The following ZNF407 variants were observed in gnomAD, a reference collection of about 807,000 sequenced individuals.
ZNF407 encodes zinc finger protein 407.
A neutral mutation model predicts 131.2 loss-of-function variants in ZNF407; 17 were observed. The observed-to-expected ratio is 0.13, with a 90% CI of 0.09 to 0.19. ZNF407 has a LOEUF of 0.19. ZNF407 is among the 10% of genes least tolerant of loss of function. ZNF407 has a pLI of 1.00. For synonymous variants in ZNF407, 1,156 were observed against 1,062.0 expected (o/e 1.09, Z -1.72); for missense variants, 2,681 against 2,830.6 (o/e 0.95, Z 1.20).
intron 3 of ZNF407, among the ~76,000 whole-genome samples, chr18:74,726,450 A>C (rs1968160271): frequency 6.6e-6 from 1 of 152,230 alleles, no homozygotes; most frequent in Non-Finnish European, 1.5e-5. Flanking sequence ...TTGATAATAA[A>C]ACTGTAAAAC....
intron 4 of ZNF407, among the ~76,000 whole-genome samples, chr18:74,830,267 C>CT (rs1232977264): frequency 6.6e-6 from 1 of 152,040 alleles, no homozygotes; most frequent in African/African-American, 2.4e-5. Context: ...ACATTTTAAC[C>CT]TTTTTTAAGA....
intron 8 of ZNF407, among the ~76,000 whole-genome samples, chr18:75,013,356 T>C (rs1431142004): frequency 1.3e-5 from 2 of 152,152 alleles, no homozygotes; most frequent in African/African-American, 4.8e-5. Flanking sequence ...GTAGTTGTCC[T>C]TTTCCTTTGC....
At chr18:74,760,167 T>G (rs1426541520) in intron 3 of ZNF407, among the ~76,000 whole-genome samples, 3 of 152,206 alleles carry the variant, frequency 2.0e-5, no homozygotes, top group African/African-American at 7.2e-5. Flanking sequence ...CTAACGTCAC[T>G]GCTTACTTTG....
chr18:74,808,630 C>A (rs1478781872), intron 4 of ZNF407, among the ~76,000 whole-genome samples: 1 of 152,076 alleles, frequency 6.6e-6, no homozygotes, highest in Non-Finnish European at 1.5e-5. Context: ...AAATAGAGTT[C>A]TAATGATTAT....
intron 1 of ZNF407, among the ~76,000 whole-genome samples, chr18:74,628,596 T>A (rs2144654596): frequency 6.6e-6 from 1 of 152,244 alleles, no homozygotes; most frequent in South Asian, 2.1e-4. Context: ...ATTTATTATA[T>A]TTTCAGAGAC....
chr18:74,892,579 T>C (rs186447009), intron 7 of ZNF407, among the ~76,000 whole-genome samples: 105 of 152,316 alleles, frequency 6.9e-4, no homozygotes, highest in Non-Finnish European at 1.3e-3. Context: ...GGAGTGTCCA[T>C]GTCCTGAAGG....
At chr18:74,866,507 G>A (rs1016159722) in intron 4 of ZNF407, among the ~76,000 whole-genome samples, 4 of 152,038 alleles carry the variant, frequency 2.6e-5, no homozygotes, top group Non-Finnish European at 4.4e-5. Flanking sequence ...CATCAGAGAG[G>A]ACAGTCCATT....
intron 4 of ZNF407, among the ~76,000 whole-genome samples, chr18:74,822,584 G>A (rs529542332): frequency 6.6e-6 from 1 of 152,164 alleles, no homozygotes; most frequent in Admixed American, 6.5e-5. Flanking sequence ...TAGATGTGTG[G>A]TGTTATTTCT....
chr18:74,736,888 A>G (rs1332715769), intron 3 of ZNF407, among the ~76,000 whole-genome samples: 1 of 152,172 alleles, frequency 6.6e-6, no homozygotes, highest in Non-Finnish European at 1.5e-5. Flanking sequence ...ATTAGGAGAG[A>G]AAAATAGTCC....
At position 74,633,418 on chromosome 18, in the gene ZNF407, A is replaced by G. The variant is rs759325536; in HGVS notation, c.2399A>G (p.His800Arg). The change falls in exon 2 of 9, where the codon CAT becomes CGT. Residue 800 changes from histidine (H) to arginine (R), a missense_variant. By Grantham distance (29) the His-to-Arg change is conservative. This residue lies in a region of ZNF407 where 1,789 missense variants were observed against 1,748.7 expected (regional missense o/e 1.02). Coordinates refer to ENST00000299687, the MANE Select transcript of ZNF407 (RefSeq NM_017757.3). ...DVSGNGRIEGHIGVQLQEHSY... is the reference protein window; with the variant it reads ...DVSGNGRIEGRIGVQLQEHSY... Reference sequence around the variant, plus strand: ...TCCGGAAATGGAAGGATTGAAGGCCATATAGGTGTGCAATTACAAGAGCAT... The same window carrying G: ...TCCGGAAATGGAAGGATTGAAGGCCGTATAGGTGTGCAATTACAAGAGCAT... 37 of 1,613,958 alleles carry G rather than the reference A, an allele frequency of 2.3e-5. No individual in the cohort carries two copies. In the Admixed American group the frequency reaches 5.8e-4, roughly 25 times the overall value.
intron 4 of ZNF407, among the ~76,000 whole-genome samples, chr18:74,840,533 T>C (rs1970617447): frequency 6.6e-6 from 1 of 152,170 alleles, no homozygotes; most frequent in Non-Finnish European, 1.5e-5. Context: ...TGCTTGCCTC[T>C]CTTACAGATT....
At chr18:74,651,884 T>C (rs1259238928) in intron 3 of ZNF407, among the ~76,000 whole-genome samples, 1 of 152,158 alleles carries the variant, frequency 6.6e-6, no homozygotes, top group Non-Finnish European at 1.5e-5. Context: ...TTGAAAACTC[T>C]GCTGGAGTAG....
intron 1 of ZNF407, among the ~76,000 whole-genome samples, chr18:74,629,037 G>A (rs1448055042): frequency 1.3e-5 from 2 of 152,156 alleles, no homozygotes; most frequent in Admixed American, 6.5e-5. Flanking sequence ...TTTTTGGGTG[G>A]ATATATGTTT....
intron 3 of ZNF407, among the ~76,000 whole-genome samples, chr18:74,674,914 A>G (rs1986294218): frequency 6.6e-6 from 1 of 152,226 alleles, no homozygotes; most frequent in Non-Finnish European, 1.5e-5. Context: ...TCTGTGACTA[A>G]TCACCAAATG....
rs948013240 is a variant in ZNF407 at position 75,040,257 on chromosome 18, C to T, written c.5429-22893C>T. Among the ~76,000 whole-genome samples, 7 of 152,104 alleles carry T rather than the reference C, an allele frequency of 4.6e-5. No homozygotes were observed. In the South Asian group the frequency reaches 6.2e-4, roughly 14 times the overall value. Reference sequence around the variant, plus strand: ...AGAATGCTGCCAATTTGGGCTTCTTCGGAGCCTAAAGTCCAGGCTGAAGTG... The same window carrying T: ...AGAATGCTGCCAATTTGGGCTTCTTTGGAGCCTAAAGTCCAGGCTGAAGTG... On this transcript the variant is annotated intron_variant, in intron 8 of 8. Transcript: ENST00000299687.
At position 74,632,459 on chromosome 18, in the gene ZNF407, G is replaced by A. The variant is rs1984161390; in HGVS notation, c.1440G>A (p.Leu480=). The A allele has an allele frequency of 6.2e-7, 1 of 1,613,914 alleles. No homozygotes were observed. Among genetic ancestry groups the A allele is most frequent in the Non-Finnish European group, 8.5e-7 (1 of 1,179,908 alleles). The change falls in exon 2 of 9, where the codon CTG becomes CTA. Residue 480 remains leucine (L), a synonymous_variant. Coordinates refer to ENST00000299687, the MANE Select transcript of ZNF407 (RefSeq NM_017757.3). Reference sequence around the variant, plus strand: ...ATGCAGAATCAGTGCTGAAACACCTGGAAGCGTGCAGCAGTGTGCAGAGAG... The same window carrying A: ...ATGCAGAATCAGTGCTGAAACACCTAGAAGCGTGCAGCAGTGTGCAGAGAG... ...THDAESVLKH[L]EACSSVQRVC...
At chr18:74,691,891 A>T (rs1019228202) in intron 3 of ZNF407, among the ~76,000 whole-genome samples, 1 of 152,078 alleles carries the variant, frequency 6.6e-6, no homozygotes, top group Non-Finnish European at 1.5e-5. Flanking sequence ...CCCTGGAGTT[A>T]TAGACCAGCC....
chr18:75,004,639 A>G (rs1972886681), intron 8 of ZNF407, among the ~76,000 whole-genome samples: 1 of 152,232 alleles, frequency 6.6e-6, no homozygotes, highest in African/African-American at 2.4e-5. Context: ...GAATTTCACC[A>G]GGGATGGGCT....
intron 8 of ZNF407, among the ~76,000 whole-genome samples, chr18:75,040,915 T>C (rs1270492361): frequency 1.3e-5 from 2 of 152,170 alleles, no homozygotes; most frequent in Non-Finnish European, 2.9e-5. Context: ...GCCAGCACTG[T>C]TACTAATGCT....
Sources: allele counts gnomAD v4.1 joint callset (sites outside exome capture counted in the v4.1 genomes callset), GRCh38; gene constraint gnomAD v4.1.1; regional missense constraint gnomAD v4.1.1; transcripts MANE v1.5; gene names NCBI Gene and HGNC (gene_info 2026-07-23, HGNC 2026-07-21).